CDK5RAP2: variants seen among roughly 807,000 people sequenced by gnomAD.
CDK5RAP2 encodes the protein CDK5 regulatory subunit associated protein 2.
CDK5RAP2 carries 147 observed loss-of-function variants against 232.9 expected under a neutral mutation model. That is an observed-to-expected ratio of 0.63 (90% CI 0.55 to 0.72). CDK5RAP2 has a LOEUF of 0.72. Among genes scored for constraint, CDK5RAP2 ranks in the 30% least tolerant of loss-of-function variants. CDK5RAP2 has a pLI of 0.00. For synonymous variants in CDK5RAP2, 833 were observed against 833.7 expected (o/e 1.00, Z 0.01); for missense variants, 2,195 against 2,231.5 (o/e 0.98, Z 0.33).
chr9:120,430,290 A>T (rs1266866156), intron 25 of CDK5RAP2, among the ~76,000 whole-genome samples: 2 of 152,246 alleles, frequency 1.3e-5, no homozygotes, highest in Non-Finnish European at 2.9e-5. Flanking sequence ...GAGCTTCTGC[A>T]CAGCTAAAGA....
At position 120,518,516 on chromosome 9, in the gene CDK5RAP2, GCTCCTGGGTGA is replaced by G. The variant is rs747397666; in HGVS notation, c.1211_1221del (p.Ile404ThrfsTer3). 1.2e-6 allele frequency: 2 copies of G among 1,613,694 alleles called. No individual in the cohort carries two copies. Among genetic ancestry groups the G allele is most frequent in the Non-Finnish European group, 1.7e-6 (2 of 1,179,958 alleles). The stretch of plus-strand genomic sequence containing the variant: ...TCCCTCTCCTGCTGCAAGTCACTCA[GCTCCTGGGTGA>G]TCTTCTTAATGCTTCTACGCAGTCT... On this transcript the variant is annotated frameshift_variant, in exon 12 of 38. Transcript: ENST00000349780. LOFTEE classifies it high-confidence loss of function.
intron 20 of CDK5RAP2, among the ~76,000 whole-genome samples, chr9:120,456,158 G>A (rs2036762528): frequency 6.6e-6 from 1 of 152,240 alleles, no homozygotes; most frequent in African/African-American, 2.4e-5. Flanking sequence ...AAGTAGAGAG[G>A]AGAGACCAGC....
chr9:120,515,897 A>C (rs1390239674), intron 12 of CDK5RAP2, among the ~76,000 whole-genome samples: 1 of 152,246 alleles, frequency 6.6e-6, no homozygotes, highest in African/African-American at 2.4e-5. Flanking sequence ...GTGGAGAAAT[A>C]GGAACACTTT....
intron 18 of CDK5RAP2, among the ~76,000 whole-genome samples, chr9:120,467,321 T>C (rs2037437240): frequency 6.6e-6 from 1 of 152,214 alleles, no homozygotes; most frequent in South Asian, 2.1e-4. Context: ...ACCACATCGC[T>C]CATCCAGATG....
chr9:120,501,727 C>A (rs904435841), intron 12 of CDK5RAP2, among the ~76,000 whole-genome samples: 3 of 152,156 alleles, frequency 2.0e-5, no homozygotes, highest in Admixed American at 1.3e-4. Flanking sequence ...GAATCATGGA[C>A]CCTCCAGTCC....
intron 2 of CDK5RAP2, 105 bp downstream of exon 2, chr9:120,571,869 G>A (rs1588683590): frequency 1.1e-6 from 1 of 873,970 alleles, no homozygotes; most frequent in East Asian, 2.4e-5. Context: ...TGCCAGTTCA[G>A]GGAAGCCTCT....
intron 12 of CDK5RAP2, among the ~76,000 whole-genome samples, chr9:120,502,049 C>G (rs1018209509): frequency 6.6e-6 from 1 of 152,168 alleles, no homozygotes; most frequent in African/African-American, 2.4e-5. Flanking sequence ...TTCCAGGTCT[C>G]TCTCATTCCA....
At chr9:120,493,211 G>A (rs979721975) in intron 12 of CDK5RAP2, among the ~76,000 whole-genome samples, 3 of 152,224 alleles carry the variant, frequency 2.0e-5, no homozygotes, top group Non-Finnish European at 4.4e-5. Context: ...CAGCCCTGCC[G>A]ACACCTTGAT....
intron 3 of CDK5RAP2, among the ~76,000 whole-genome samples, chr9:120,554,683 G>C (rs1210901898): frequency 1.3e-5 from 2 of 152,068 alleles, no homozygotes; most frequent in African/African-American, 4.8e-5. Context: ...ACCCAGGCTG[G>C]AGTGCAATGG....
At chr9:120,439,352 T>C (rs774484747) in intron 24 of CDK5RAP2, 47 bp downstream of exon 24, 2 of 1,487,152 alleles carry the variant, frequency 1.3e-6, no homozygotes, top group Admixed American at 3.3e-5. Flanking sequence ...GTGGCAATAC[T>C]GGGGGACTAC....
chr9:120,416,308 C>T (rs1293391283), intron 27 of CDK5RAP2, among the ~76,000 whole-genome samples: 1 of 152,182 alleles, frequency 6.6e-6, no homozygotes, highest in Non-Finnish European at 1.5e-5. Flanking sequence ...ATTCGGTTCC[C>T]TCACCCGCCT....
intron 12 of CDK5RAP2, among the ~76,000 whole-genome samples, chr9:120,508,256 G>A (rs969581050): frequency 2.0e-5 from 3 of 152,080 alleles, no homozygotes; most frequent in Non-Finnish European, 4.4e-5. Flanking sequence ...GAATTAGTAG[G>A]TGAGAGCACT....
chr9:120,471,643 C>T (rs879173255), intron 16 of CDK5RAP2, 105 bp downstream of exon 16: 17 of 1,515,922 alleles, frequency 1.1e-5, no homozygotes, highest in South Asian at 2.3e-5. Flanking sequence ...AACGAAACCC[C>T]GTGTATGCTT....
intron 1 of CDK5RAP2, among the ~76,000 whole-genome samples, chr9:120,575,109 T>C (rs2042985942): frequency 1.3e-5 from 2 of 152,176 alleles, no homozygotes; most frequent in Non-Finnish European, 2.9e-5. Flanking sequence ...TGGAGTGCAG[T>C]GGCGTGATCT....
intron 5 of CDK5RAP2, among the ~76,000 whole-genome samples, chr9:120,540,973 C>T (rs1037320663): frequency 6.6e-6 from 1 of 152,250 alleles, no homozygotes; most frequent in South Asian, 2.1e-4. Flanking sequence ...CATCACCCCC[C>T]ACTCCCGGGG....
At chr9:120,554,657 A>G (rs2042159358) in intron 3 of CDK5RAP2, among the ~76,000 whole-genome samples, 1 of 152,144 alleles carries the variant, frequency 6.6e-6, no homozygotes, top group African/African-American at 2.4e-5. Context: ...TTGTTGAGAC[A>G]GAGTCTCACT....
intron 12 of CDK5RAP2, among the ~76,000 whole-genome samples, chr9:120,513,931 G>A (rs2040208060): frequency 6.6e-6 from 1 of 152,160 alleles, no homozygotes; most frequent in Non-Finnish European, 1.5e-5. Flanking sequence ...CAAGGCTAGT[G>A]TGTTATGCTC....
At position 120,527,923 on chromosome 9, in the gene CDK5RAP2, T is replaced by A. The variant is rs753826775; in HGVS notation, c.882A>T (p.Ala294=). Residue 294 remains alanine, a splice_region_variant and synonymous_variant, in exon 10 of 38, where the codon GCA becomes GCT. Transcript: ENST00000349780. ...CCTTCTCTCTCAGGTCCTCTTCAAG[T>A]GCCTAAATTAGATTAGAAAAAGATT... The part of the protein sequence containing the change: ...ERNSFEERIQ[A]LEEDLREKER... 13 of 1,613,700 alleles carry A rather than the reference T, an allele frequency of 8.1e-6. No homozygotes were observed. The highest frequency in any genetic ancestry group is 3.3e-4 in the Middle Eastern group (2 of 6,084).
At chr9:120,464,086 T>TA in intron 18 of CDK5RAP2, among the ~76,000 whole-genome samples, 1 of 152,310 alleles carries the variant, frequency 6.6e-6, no homozygotes, top group South Asian at 2.1e-4. Context: ...ATGGGACTCA[T>TA]AGGAAGTTCT....
Sources: gnomAD v4.1 joint callset for allele counts (sites outside exome capture counted in the v4.1 genomes callset) on GRCh38, gnomAD v4.1.1 for gene constraint, MANE v1.5 for transcripts, NCBI Gene and HGNC (gene_info 2026-07-23, HGNC 2026-07-21) for gene names.